The following ERBB4 variants were observed in gnomAD, a reference collection of about 807,000 sequenced individuals.
The protein encoded by ERBB4 is receptor tyrosine-protein kinase erbB-4.
Under a neutral mutation model 158.0 loss-of-function variants are expected in ERBB4, and 42 were observed. The observed-to-expected ratio is 0.27, with a 90% CI of 0.21 to 0.34. ERBB4 has a LOEUF of 0.34. Ranked by LOEUF, ERBB4 falls within the 10% of genes least tolerant of loss-of-function variation. The pLI is 1.00. For synonymous variants in ERBB4, 583 were observed against 558.7 expected, an observed-to-expected ratio of 1.04 and a Z score of -0.61; for missense variants, 1,333 against 1,624.1, an observed-to-expected ratio of 0.82 and a Z score of 3.08.
chr2:212,164,827 G>C (rs2081300443), intron 1 of ERBB4, among the ~76,000 whole-genome samples: 1 of 151,702 alleles, frequency 6.6e-6, no homozygotes, highest in Admixed American at 6.6e-5. Context: ...ATTTAATTTT[G>C]CCTTGATCAT....
intron 1 of ERBB4, among the ~76,000 whole-genome samples, chr2:212,483,025 T>C (rs1274023649): frequency 1.3e-5 from 2 of 152,044 alleles, no homozygotes; most frequent in African/African-American, 4.8e-5. Flanking sequence ...CATATAGTTC[T>C]GCCTTGTGAG....
chr2:211,395,994 G>A (rs1181826469), intron 25 of ERBB4, among the ~76,000 whole-genome samples: 1 of 151,622 alleles, frequency 6.6e-6, no homozygotes, highest in African/African-American at 2.4e-5. Flanking sequence ...TAATCTATAA[G>A]GCAGGTTTGA....
At chr2:211,915,435 T>TTATATATATATA (rs1289522405) in intron 3 of ERBB4, among the ~76,000 whole-genome samples, 1,579 of 135,446 alleles carry the variant, frequency 0.012, 20 homozygotes, top group Non-Finnish European at 0.014. Context: ...AGTTCAAACA[T>TTATATATATATA]TACATATATA....
chr2:211,944,785 T>A lies in ERBB4; in HGVS notation c.421+2645A>T, dbSNP rs1317393780. Among the ~76,000 whole-genome samples the A allele has an allele frequency of 1.7e-4, 26 of 152,076 alleles. 1 individual carries two copies. The highest frequency in any genetic ancestry group is 1.5e-5 in the Non-Finnish European group (1 of 67,984). On this transcript the variant is annotated intron_variant, in intron 3 of 27. Coordinates refer to ENST00000342788, the MANE Select transcript of ERBB4 (RefSeq NM_005235.3). ...AGTTGCTGGGCCCCACCCCCAGAGT[T>A]TCTCATTCAGTAGGTTTCAGGTGAG...
intron 3 of ERBB4, among the ~76,000 whole-genome samples, chr2:211,933,158 A>G (rs2080222448): frequency 6.6e-6 from 1 of 152,040 alleles, no homozygotes; most frequent in Non-Finnish European, 1.5e-5. Context: ...TGAGCACCAT[A>G]GGACTGCATT....
At chr2:212,003,216 G>GAAAGAAA (rs1491317567) in intron 2 of ERBB4, among the ~76,000 whole-genome samples, 475 of 34,496 alleles carry the variant, frequency 0.014, 38 homozygotes, top group Non-Finnish European at 0.024. Context: ...ACAGAAAGAA[G>GAAAGAAA]GAAGGAAGGA....
At chr2:211,423,645 T>A (rs1434226341) in intron 23 of ERBB4, among the ~76,000 whole-genome samples, 1 of 151,982 alleles carries the variant, frequency 6.6e-6, no homozygotes, top group East Asian at 1.9e-4. Context: ...TAGCTCACTA[T>A]AGATTCATTT....
chr2:211,661,066 G>A (rs927164070), intron 15 of ERBB4, among the ~76,000 whole-genome samples: 16 of 151,976 alleles, frequency 1.1e-4, no homozygotes, highest in African/African-American at 3.9e-4. Context: ...AGGGACTGAG[G>A]GAGCAGGATG....
chr2:212,185,034 C>CTTTTTTTTTTTTTTTTT (rs762121501), intron 1 of ERBB4, among the ~76,000 whole-genome samples: 1 of 132,620 alleles, frequency 7.5e-6, no homozygotes, highest in African/African-American at 2.8e-5. Context: ...TTTTTTTTTT[C>CTTTTTTTTTTTTTTTTT]TTTTGAGACA....
chr2:212,316,027 GA>G (rs879677701), intron 1 of ERBB4, among the ~76,000 whole-genome samples: 2 of 150,898 alleles, frequency 1.3e-5, no homozygotes, highest in Non-Finnish European at 3.0e-5. Flanking sequence ...ACAGACAAAT[GA>G]AAAAAAAGAA....
intron 20 of ERBB4, among the ~76,000 whole-genome samples, chr2:211,482,845 C>T (rs1287434455): frequency 2.0e-5 from 3 of 151,996 alleles, no homozygotes; most frequent in South Asian, 2.1e-4. Flanking sequence ...GCAGAGGTTG[C>T]GGTGAGCCAA....
At chr2:211,700,716 C>G (rs1293143370) in intron 12 of ERBB4, among the ~76,000 whole-genome samples, 1 of 152,080 alleles carries the variant, frequency 6.6e-6, no homozygotes, top group Non-Finnish European at 1.5e-5. Flanking sequence ...CACACACACA[C>G]GCACACACTC....
intron 2 of ERBB4, among the ~76,000 whole-genome samples, chr2:211,953,898 C>A (rs532622057): frequency 5.3e-5 from 8 of 152,060 alleles, no homozygotes; most frequent in Middle Eastern, 3.4e-3. Flanking sequence ...ATTTTATAAG[C>A]ATTTCTCCTG....
chr2:212,248,846 G>T (rs2084410424), intron 1 of ERBB4, among the ~76,000 whole-genome samples: 1 of 151,822 alleles, frequency 6.6e-6, no homozygotes. Flanking sequence ...ATCCTTAGAT[G>T]ACTGAGTTTC....
chr2:211,544,773 A>AC (rs36068474), intron 20 of ERBB4, among the ~76,000 whole-genome samples: 51,898 of 151,910 alleles, frequency 0.34, 10,317 homozygotes, highest in East Asian at 0.67. Context: ...CGTTTGCATG[A>AC]CTTCAGTGAA....
At chr2:212,393,100 C>T (rs900759702) in intron 1 of ERBB4, among the ~76,000 whole-genome samples, 1 of 152,010 alleles carries the variant, frequency 6.6e-6, no homozygotes, top group African/African-American at 2.4e-5. Context: ...ATTAAATATG[C>T]CTCTCTGCTC....
At chr2:211,813,380 A>T (rs1251530541) in intron 3 of ERBB4, among the ~76,000 whole-genome samples, 5 of 152,210 alleles carry the variant, frequency 3.3e-5, no homozygotes, top group Non-Finnish European at 5.9e-5. Context: ...TACAATAATG[A>T]ATCTTGAAAC....
chr2:212,134,667 A>G (rs1464323020), intron 1 of ERBB4, among the ~76,000 whole-genome samples: 2 of 148,756 alleles, frequency 1.3e-5, no homozygotes, highest in Non-Finnish European at 3.0e-5. Context: ...GAAATTAACT[A>G]AACACTTTCT....
chr2:212,062,881 A>C (rs2077823400), intron 2 of ERBB4, among the ~76,000 whole-genome samples: 1 of 152,216 alleles, frequency 6.6e-6, no homozygotes, highest in Non-Finnish European at 1.5e-5. Context: ...CATTTACTAC[A>C]TCTCTGAGCA....
Sources: gnomAD v4.1 joint callset for allele counts (sites outside exome capture counted in the v4.1 genomes callset) on GRCh38, gnomAD v4.1.1 for gene constraint, MANE v1.5 for transcripts, NCBI Gene and HGNC (gene_info 2026-07-23, HGNC 2026-07-21) for gene names.